KCNMA1: variants seen among roughly 807,000 people sequenced by gnomAD.
KCNMA1 encodes potassium calcium-activated channel subfamily M alpha 1.
Under a neutral mutation model 140.0 loss-of-function variants are expected in KCNMA1, and 29 were observed. That is an observed-to-expected ratio of 0.21 (90% CI 0.15 to 0.28). The LOEUF is 0.28. Ranked by LOEUF, KCNMA1 falls within the 10% of genes least tolerant of loss-of-function variation. KCNMA1 has a pLI of 1.00. For synonymous variants in KCNMA1, 612 were observed against 611.9 expected (o/e 1.00, Z 0.00); for missense variants, 880 against 1,602.2 (o/e 0.55, Z 7.70).
At chr10:77,465,201 C>T (rs1259670048) in intron 1 of KCNMA1, among the ~76,000 whole-genome samples, 1 of 152,188 alleles carries the variant, frequency 6.6e-6, no homozygotes, top group Non-Finnish European at 1.5e-5. Flanking sequence ...GCATAGGCCA[C>T]GATCCCTGCA....
At chr10:77,379,799 T>G (rs866096404) in intron 2 of KCNMA1, among the ~76,000 whole-genome samples, 1 of 152,276 alleles carries the variant, frequency 6.6e-6, no homozygotes, top group Middle Eastern at 3.4e-3. Flanking sequence ...TCCCCATCCC[T>G]GCCCCATAAT....
intron 1 of KCNMA1, among the ~76,000 whole-genome samples, chr10:77,565,702 G>C (rs998305797): frequency 7.2e-5 from 11 of 152,230 alleles, no homozygotes; most frequent in African/African-American, 2.7e-4. Context: ...GAAATGAGTT[G>C]ATCTGGTGCA....
intron 1 of KCNMA1, among the ~76,000 whole-genome samples, chr10:77,555,787 C>T (rs911050344): frequency 6.6e-6 from 1 of 152,174 alleles, no homozygotes; most frequent in Admixed American, 6.5e-5. Context: ...CTCCTCCATG[C>T]CTCTAGCACA....
At chr10:76,999,805 G>A (rs905878506) in intron 19 of KCNMA1, among the ~76,000 whole-genome samples, 8 of 152,170 alleles carry the variant, frequency 5.3e-5, no homozygotes, top group African/African-American at 1.7e-4. Flanking sequence ...GCACTGCTCT[G>A]GAGCAGCAGG....
At chr10:77,456,144 G>A (rs778579407) in intron 1 of KCNMA1, among the ~76,000 whole-genome samples, 27 of 152,188 alleles carry the variant, frequency 1.8e-4, no homozygotes, top group Non-Finnish European at 3.2e-4. Context: ...TCTGCAGGAG[G>A]CACGACAGGG....
At chr10:77,455,732 T>C (rs990270054) in intron 1 of KCNMA1, among the ~76,000 whole-genome samples, 2 of 152,088 alleles carry the variant, frequency 1.3e-5, no homozygotes, top group Non-Finnish European at 1.5e-5. Context: ...GGCCCAGACC[T>C]GAGAAATGAC....
chr10:77,324,971 C>CTCTCTCTCTGTGTGTGTGTGTG (rs766240356), intron 2 of KCNMA1, among the ~76,000 whole-genome samples: 7 of 90,448 alleles, frequency 7.7e-5, no homozygotes, highest in South Asian at 4.8e-4. Flanking sequence ...CTCTCTCTCT[C>CTCTCTCTCTGTGTGTGTGTGTG]TGTGTGTGTG....
intron 3 of KCNMA1, among the ~76,000 whole-genome samples, chr10:77,185,795 C>A (rs1384375170): frequency 6.6e-6 from 1 of 151,922 alleles, no homozygotes; most frequent in African/African-American, 2.4e-5. Flanking sequence ...AAGGTTTGGG[C>A]TGGGTGGGAA....
At chr10:77,094,593 A>G (rs957760731) in intron 9 of KCNMA1, among the ~76,000 whole-genome samples, 2 of 152,238 alleles carry the variant, frequency 1.3e-5, no homozygotes, top group East Asian at 1.9e-4. Flanking sequence ...GGCAGAAATC[A>G]TAAGTTCCAC....
At chr10:77,478,076 C>T (rs1488041236) in intron 1 of KCNMA1, among the ~76,000 whole-genome samples, 1 of 152,198 alleles carries the variant, frequency 6.6e-6, no homozygotes, top group Non-Finnish European at 1.5e-5. Flanking sequence ...CCTTCCTTTA[C>T]CACTTCTCAG....
At chr10:77,345,104 T>G (rs1185284886) in intron 2 of KCNMA1, among the ~76,000 whole-genome samples, 1 of 152,242 alleles carries the variant, frequency 6.6e-6, no homozygotes, top group Non-Finnish European at 1.5e-5. Flanking sequence ...GGCTAGAGGT[T>G]CCATGCTTTG....
rs2154252298 is a variant in KCNMA1, at chr10:77,251,670, C to CAAATTTAACAGTAA, written c.541-415_541-414insTTACTGTTAAATTT. On this transcript the variant is annotated intron_variant, in intron 2 of 27. Coordinates refer to ENST00000286628, the MANE Select transcript of KCNMA1 (RefSeq NM_001161352.2). ...AGAGGAATATCAACTTTAACAGCTTCATTGAGGCATAATTTACATACCACA... is the reference window on the plus strand; with the variant it reads ...AGAGGAATATCAACTTTAACAGCTTCAAATTTAACAGTAAATTGAGGCATAATTTACATACCACA... Among the ~76,000 whole-genome samples the CAAATTTAACAGTAA allele has an allele frequency of 2.0e-5, 3 of 152,278 alleles. No homozygotes were observed. The South Asian group carries it at 6.2e-4, about 32-fold the overall frequency.
At chr10:76,960,513 C>T (rs1592020225) in intron 20 of KCNMA1, among the ~76,000 whole-genome samples, 1 of 151,100 alleles carries the variant, frequency 6.6e-6, no homozygotes, top group Admixed American at 6.6e-5. Flanking sequence ...GCACTCCAGC[C>T]CAGCAACAGG....
intron 5 of KCNMA1, among the ~76,000 whole-genome samples, chr10:77,131,956 C>T (rs1162495342): frequency 9.5e-6 from 1 of 105,302 alleles, no homozygotes; most frequent in African/African-American, 3.8e-5. Context: ...CAGAGCAAGA[C>T]TCGGTCTCAA....
At chr10:77,256,186 A>G (rs2060714577) in intron 2 of KCNMA1, among the ~76,000 whole-genome samples, 1 of 152,184 alleles carries the variant, frequency 6.6e-6, no homozygotes, top group African/African-American at 2.4e-5. Context: ...TGAGTTGGGA[A>G]AGCTGGCTCT....
intron 5 of KCNMA1, among the ~76,000 whole-genome samples, chr10:77,123,631 C>A (rs2097674046): frequency 6.6e-6 from 1 of 152,190 alleles, no homozygotes; most frequent in African/African-American, 2.4e-5. Flanking sequence ...TTGAGGGATA[C>A]ATTCCAAGAC....
intron 2 of KCNMA1, among the ~76,000 whole-genome samples, chr10:77,372,183 CCTCCA>C (rs1275121971): frequency 1.3e-5 from 2 of 152,102 alleles, no homozygotes; most frequent in Non-Finnish European, 1.5e-5. Context: ...GCCTCTTTTG[CCTCCA>C]CTCCACTTCC....
intron 2 of KCNMA1, among the ~76,000 whole-genome samples, chr10:77,336,368 G>A (rs1007267659): frequency 2.0e-5 from 3 of 150,356 alleles, no homozygotes; most frequent in East Asian, 3.9e-4. Flanking sequence ...ACAAAGATAT[G>A]TTCTTTTTCT....
chr10:77,382,885 A>AATATAT (rs1217045657), intron 2 of KCNMA1, among the ~76,000 whole-genome samples: 10 of 91,298 alleles, frequency 1.1e-4, no homozygotes, highest in African/African-American at 3.4e-4. Flanking sequence ...AAAAAAAAAA[A>AATATAT]ATATATATAT....
Sources: gnomAD v4.1 joint callset for allele counts (sites outside exome capture counted in the v4.1 genomes callset) on GRCh38, gnomAD v4.1.1 for gene constraint, MANE v1.5 for transcripts, NCBI Gene and HGNC (gene_info 2026-07-23, HGNC 2026-07-21) for gene names.